Variants in FAM78B observed in about 807,000 individuals in gnomAD.
The protein encoded by FAM78B is family with sequence similarity 78 member B.
Under a neutral mutation model 20.0 loss-of-function variants are expected in FAM78B, and 10 were observed. That is an observed-to-expected ratio of 0.50 (90% confidence interval 0.31 to 0.85). FAM78B has a LOEUF of 0.85. Among genes scored for constraint, FAM78B ranks in the 40% least tolerant of loss-of-function variants. The probability of loss-of-function intolerance (pLI) is 0.05; values close to 1 mark genes in which losing one functional copy is unlikely to be tolerated. For synonymous variants in FAM78B, 135 were observed against 132.8 expected, an observed-to-expected ratio of 1.02 and a Z score of -0.12; for missense variants, 283 against 345.0, an observed-to-expected ratio of 0.82 and a Z score of 1.42.
chr1:166,113,525 G>A (rs1316509192), intron 1 of FAM78B, among the ~76,000 whole-genome samples: 4 of 152,160 alleles, frequency 2.6e-5, no homozygotes, highest in Admixed American at 6.5e-5. Context: ...TGCCCATTAG[G>A]ATTTACCCTC....
At chr1:166,165,849 G>A (rs898540205) in intron 1 of FAM78B, 137 bp downstream of exon 1, 3 of 957,796 alleles carry the variant, frequency 3.1e-6, no homozygotes, top group Middle Eastern at 2.3e-4. Flanking sequence ...GGAGGAGGGA[G>A]GTGGGAGAGG....
intron 1 of FAM78B, among the ~76,000 whole-genome samples, chr1:166,163,879 C>G (rs1656254272): frequency 6.6e-6 from 1 of 152,128 alleles, no homozygotes; most frequent in African/African-American, 2.4e-5. Context: ...ACATGAAAAC[C>G]AAGAATCTTA....
At chr1:166,081,221 A>G (rs546408740) in intron 1 of FAM78B, 6 of 152,248 alleles carry the variant, frequency 3.9e-5, no homozygotes, top group Admixed American at 2.0e-4. Flanking sequence ...GACAGGCTTC[A>G]TGTTTGTTAC....
At chr1:166,146,928 C>A (rs1655478965) in intron 1 of FAM78B, among the ~76,000 whole-genome samples, 1 of 152,178 alleles carries the variant, frequency 6.6e-6, no homozygotes, top group Admixed American at 6.5e-5. Context: ...GACTAACCTA[C>A]GATCTCTCCT....
intron 1 of FAM78B, among the ~76,000 whole-genome samples, chr1:166,144,719 A>G (rs997905024): frequency 2.0e-5 from 3 of 152,170 alleles, no homozygotes; most frequent in Non-Finnish European, 1.5e-5. Context: ...CAAGGTGTAA[A>G]CTAACTTTCC....
intron 1 of FAM78B, among the ~76,000 whole-genome samples, chr1:166,109,823 T>C (rs1412301034): frequency 5.6e-5 from 1 of 17,732 alleles, no homozygotes; most frequent in Admixed American, 6.5e-4. Context: ...TGTATATATA[T>C]ATATATATGT....
intron 1 of FAM78B, among the ~76,000 whole-genome samples, 177 bp downstream of exon 1, chr1:166,165,809 A>C (rs1656348188): frequency 6.6e-6 from 1 of 151,618 alleles, no homozygotes; most frequent in Admixed American, 6.6e-5. Context: ...GCCTCCCTAC[A>C]CCCGCCCTGT....
chr1:166,083,517 T>A (rs1304408516), intron 1 of FAM78B, among the ~76,000 whole-genome samples: 1 of 152,236 alleles, frequency 6.6e-6, no homozygotes, highest in Non-Finnish European at 1.5e-5. Context: ...GTTTTTCCTT[T>A]TTTTTGAAAT....
intron 1 of FAM78B, among the ~76,000 whole-genome samples, chr1:166,152,515 TTC>T (rs1382321681): frequency 6.6e-6 from 1 of 152,108 alleles, no homozygotes; most frequent in Non-Finnish European, 1.5e-5. Context: ...GTGCTTAAGC[TTC>T]TTTCATACTC....
chr1:166,110,826 A>G (rs1654025411), intron 1 of FAM78B, among the ~76,000 whole-genome samples: 2 of 152,212 alleles, frequency 1.3e-5, no homozygotes, highest in African/African-American at 4.8e-5. Context: ...AGAAGGTATA[A>G]TGAGATAAAA....
chr1:166,065,255 C>T (rs1366259127), downstream of FAM78B, among the ~76,000 whole-genome samples: 1 of 152,190 alleles, frequency 6.6e-6, no homozygotes, highest in Non-Finnish European at 1.5e-5. Flanking sequence ...GTGCAGAGGG[C>T]TCAAGTTCTT....
At chr1:166,115,757 T>C (rs1214534505) in intron 1 of FAM78B, among the ~76,000 whole-genome samples, 2 of 152,192 alleles carry the variant, frequency 1.3e-5, no homozygotes, top group Non-Finnish European at 2.9e-5. Context: ...ACACCAAAGC[T>C]GGAAGGAACA....
intron 1 of FAM78B, among the ~76,000 whole-genome samples, chr1:166,109,905 T>TATATATATATATATATAC (rs1653980228): frequency 9.3e-6 from 1 of 107,556 alleles, no homozygotes; most frequent in African/African-American, 3.1e-5. Context: ...TATATATATA[T>TATATATATATATATATAC]ATATATATAT....
At chr1:166,125,407 C>T (rs2101772672) in intron 1 of FAM78B, among the ~76,000 whole-genome samples, 1 of 152,288 alleles carries the variant, frequency 6.6e-6, no homozygotes, top group East Asian at 1.9e-4. Flanking sequence ...GAGGGAGGGA[C>T]TGCAATCATT....
rs560953730 is a variant in FAM78B, at chr1:166,082,225, C to G, written c.264-11462G>C. On this transcript the variant is annotated intron_variant, in intron 1 of 1. Transcript: ENST00000354422. ...AGCCTCATTCATCCTCACCCCCTCCCTTCTGGCTCTCTAGACTTCAGCAAC... is the reference window on the plus strand; with the variant it reads ...AGCCTCATTCATCCTCACCCCCTCCGTTCTGGCTCTCTAGACTTCAGCAAC... Among the ~76,000 whole-genome samples, 5 of 152,356 alleles carry G rather than the reference C, an allele frequency of 3.3e-5. No individual in the cohort carries two copies. The South Asian group carries it at 1.0e-3, about 32-fold the overall frequency.
At chr1:166,078,450 G>A (rs1041195211) in intron 1 of FAM78B, among the ~76,000 whole-genome samples, 2 of 152,206 alleles carry the variant, frequency 1.3e-5, no homozygotes, top group African/African-American at 4.8e-5. Flanking sequence ...TAATGGACTT[G>A]CCAATGGGCC....
Position 166,166,353 on chromosome 1 carries a change from C to T in FAM78B, c.-105G>A, listed in dbSNP as rs1044383993. 398 of 980,058 alleles carry T rather than the reference C, an allele frequency of 4.1e-4. No homozygotes were observed. Among genetic ancestry groups the T allele is most frequent in the Non-Finnish European group, 3.2e-4 (259 of 813,056 alleles). The allele number at this position is 980,058 out of a possible 1,614,324, so 60.7% of individuals were successfully genotyped here. On this transcript the variant is annotated 5_prime_UTR_variant, in exon 1 of 2. Coordinates refer to ENST00000354422, the MANE Select transcript of FAM78B (RefSeq NM_001017961.5). The stretch of plus-strand genomic sequence containing the variant: ...GGCATGGCGACGCGCCGCTCGCTCC[C>T]GGTCAGACTCAGCTCGCACCTAGGA...
chr1:166,117,034 A>C (rs1305404893), intron 1 of FAM78B, among the ~76,000 whole-genome samples: 1 of 152,208 alleles, frequency 6.6e-6, no homozygotes. Context: ...ATGCTAAATA[A>C]AATATGTGGT....
chr1:166,120,499 C>A (rs1557907421), intron 1 of FAM78B, among the ~76,000 whole-genome samples: 1 of 152,148 alleles, frequency 6.6e-6, no homozygotes. Flanking sequence ...CATGTTGAAA[C>A]GAGAGCATGG....
Sources: allele counts gnomAD v4.1 joint callset (sites outside exome capture counted in the v4.1 genomes callset), GRCh38; gene constraint gnomAD v4.1.1; transcripts MANE v1.5; gene names NCBI Gene and HGNC (gene_info 2026-07-23, HGNC 2026-07-21).